The following MIPOL1 variants were observed in gnomAD, a reference collection of about 807,000 sequenced individuals.
MIPOL1 encodes the protein mirror-image polydactyly 1.
In MIPOL1, 57 loss-of-function variants were observed where a neutral mutation model predicts 60.9. The ratio of observed to expected loss-of-function variants is 0.94; its 90% confidence interval spans 0.76 to 1.17. The LOEUF (loss-of-function observed/expected upper bound fraction) is 1.17. MIPOL1 is among the 50% of genes most tolerant of loss of function. MIPOL1 has a pLI of 0.00. For synonymous variants in MIPOL1, 179 were observed against 168.8 expected, an observed-to-expected ratio of 1.06 and a Z score of -0.47; for missense variants, 551 against 511.6, an observed-to-expected ratio of 1.08 and a Z score of -0.74.
At chr14:37,312,838 A>C (rs1228871408) in intron 9 of MIPOL1, among the ~76,000 whole-genome samples, 1 of 151,972 alleles carries the variant, frequency 6.6e-6, no homozygotes, top group African/African-American at 2.4e-5. Context: ...ATTTTATTCG[A>C]ATTGTAGAAA....
intron 9 of MIPOL1, among the ~76,000 whole-genome samples, chr14:37,348,770 A>C (rs1024522592): frequency 6.6e-6 from 1 of 151,168 alleles, no homozygotes; most frequent in Non-Finnish European, 1.5e-5. Flanking sequence ...TCCAGACTAG[A>C]CTTCTTGCAT....
chr14:37,528,859 G>A (rs1322411669), intron 12 of MIPOL1, among the ~76,000 whole-genome samples: 1 of 152,158 alleles, frequency 6.6e-6, no homozygotes, highest in Non-Finnish European at 1.5e-5. Flanking sequence ...GCTATAGTTT[G>A]CACAGACTGA....
intron 9 of MIPOL1, among the ~76,000 whole-genome samples, chr14:37,363,366 G>T (rs986102587): frequency 6.6e-6 from 1 of 152,110 alleles, no homozygotes. Flanking sequence ...TAACAGTCAG[G>T]TCCCTCAGCT....
chr14:37,497,303 T>C (rs1276542685), intron 11 of MIPOL1, among the ~76,000 whole-genome samples: 1 of 152,220 alleles, frequency 6.6e-6, no homozygotes, highest in Non-Finnish European at 1.5e-5. Flanking sequence ...TGGGATCTAA[T>C]CATTGATTCT....
chr14:37,499,636 A>G (rs1272612999), intron 11 of MIPOL1, among the ~76,000 whole-genome samples: 1 of 152,208 alleles, frequency 6.6e-6, no homozygotes, highest in Non-Finnish European at 1.5e-5. Flanking sequence ...AGAAAATTGA[A>G]TGTAATATTT....
chr14:37,302,450 A>T (rs1490495919), intron 7 of MIPOL1, among the ~76,000 whole-genome samples: 1 of 151,300 alleles, frequency 6.6e-6, no homozygotes, highest in African/African-American at 2.4e-5. Context: ...TTCAAATTGG[A>T]TTATTTTTTC....
intron 9 of MIPOL1, among the ~76,000 whole-genome samples, chr14:37,357,195 T>C (rs2091905216): frequency 6.6e-6 from 1 of 152,218 alleles, no homozygotes; most frequent in African/African-American, 2.4e-5. Context: ...ATTTTCTCCA[T>C]AGTGATTGTA....
At chr14:37,368,937 A>G (rs2092561017) in intron 9 of MIPOL1, among the ~76,000 whole-genome samples, 1 of 152,082 alleles carries the variant, frequency 6.6e-6, no homozygotes, top group South Asian at 2.1e-4. Context: ...ACTTTTACTT[A>G]AAAGTAAAAT....
intron 9 of MIPOL1, among the ~76,000 whole-genome samples, chr14:37,360,573 C>T (rs1414275754): frequency 2.0e-5 from 3 of 152,120 alleles, no homozygotes; most frequent in Non-Finnish European, 4.4e-5. Context: ...GGAATTCATC[C>T]ATTTCTTCTA....
intron 12 of MIPOL1, among the ~76,000 whole-genome samples, chr14:37,517,366 A>C (rs1406111586): frequency 6.6e-6 from 1 of 152,202 alleles, no homozygotes; most frequent in African/African-American, 2.4e-5. Context: ...TATAAGAACC[A>C]TGTAACTTTT....
At chr14:37,236,272 CATT>C (rs1234452558) in intron 1 of MIPOL1, among the ~76,000 whole-genome samples, 5 of 151,878 alleles carry the variant, frequency 3.3e-5, no homozygotes, top group African/African-American at 1.2e-4. Context: ...AGTCATATGT[CATT>C]GTGGTTTTAA....
chr14:37,304,893 A>G (rs1320181589), intron 7 of MIPOL1, among the ~76,000 whole-genome samples: 1 of 151,808 alleles, frequency 6.6e-6, no homozygotes, highest in Non-Finnish European at 1.5e-5. Context: ...TTTAAAGTTT[A>G]CAAAAGGTTG....
intron 10 of MIPOL1, among the ~76,000 whole-genome samples, chr14:37,402,304 G>A (rs1178756932): frequency 6.6e-6 from 1 of 152,092 alleles, no homozygotes; most frequent in Non-Finnish European, 1.5e-5. Flanking sequence ...GAAGGAAAAG[G>A]AAAAAATTTG....
chr14:37,336,091 G>T (rs2153457889), intron 9 of MIPOL1, among the ~76,000 whole-genome samples: 1 of 135,400 alleles, frequency 7.4e-6, no homozygotes, highest in East Asian at 2.2e-4. Flanking sequence ...ATAAGGTAAG[G>T]GTCCAAATTC....
In MIPOL1 at chr14:37,285,334, G is replaced by A. The variant is rs1352196781; in HGVS notation, c.510G>A (p.Val170=). 1.9e-6 allele frequency: 3 copies of A among 1,613,852 alleles called. No homozygotes were observed. Among genetic ancestry groups the A allele is most frequent in the African/African-American group, 1.3e-5 (1 of 74,882 alleles). ...TTTTGGTAGCTCTGGTTGAAGAAGT[G>A]TATTTTGCGCAGAAGGAACGTGATG... ...AEKTAALVEE[V]YFAQKERDEA... is the part of the protein sequence containing the mutation. The change falls in exon 7 of 13, where the codon GTG becomes GTA. Residue 170 remains valine, a synonymous_variant. Coordinates refer to ENST00000684589, the MANE Select transcript of MIPOL1 (RefSeq NM_001388067.1).
intron 9 of MIPOL1, among the ~76,000 whole-genome samples, chr14:37,319,975 T>C (rs918972176): frequency 4.6e-5 from 7 of 152,180 alleles, no homozygotes; most frequent in Admixed American, 1.3e-4. Flanking sequence ...TTAATAATTA[T>C]TAATAATGTG....
chr14:37,303,301 A>T (rs890253725), intron 7 of MIPOL1, among the ~76,000 whole-genome samples: 2 of 151,892 alleles, frequency 1.3e-5, no homozygotes, highest in Non-Finnish European at 2.9e-5. Flanking sequence ...CAGGCAACTC[A>T]AACTTAGCAT....
intron 9 of MIPOL1, among the ~76,000 whole-genome samples, chr14:37,365,221 C>G (rs1373377778): frequency 6.6e-6 from 1 of 152,160 alleles, no homozygotes; most frequent in Admixed American, 6.5e-5. Flanking sequence ...TCCGATTGCT[C>G]TGGCTAGTAC....
intron 7 of MIPOL1, among the ~76,000 whole-genome samples, chr14:37,307,307 G>T (rs1442142419): frequency 6.6e-6 from 1 of 151,684 alleles, no homozygotes; most frequent in African/African-American, 2.4e-5. Context: ...ACTTTGAATG[G>T]TTGCCTAAAT....
Sources: gnomAD v4.1 joint callset for allele counts (sites outside exome capture counted in the v4.1 genomes callset) on GRCh38, gnomAD v4.1.1 for gene constraint, MANE v1.5 for transcripts, NCBI Gene and HGNC (gene_info 2026-07-23, HGNC 2026-07-21) for gene names.